Variants in SRGAP3 observed in about 807,000 individuals in gnomAD.
SRGAP3 encodes the protein SLIT-ROBO Rho GTPase-activating protein 3.
In SRGAP3, 39 loss-of-function variants were observed where a neutral mutation model predicts 121.1. The observed-to-expected ratio is 0.32, with a 90% CI of 0.25 to 0.42. SRGAP3 has a LOEUF of 0.42. SRGAP3 is among the 10% of genes least tolerant of loss of function. The probability of loss-of-function intolerance (pLI) is 1.00; values close to 1 mark genes in which losing one functional copy is unlikely to be tolerated. For synonymous variants in SRGAP3, 601 were observed against 570.0 expected (o/e 1.05, Z -0.77); for missense variants, 1,213 against 1,470.6 (o/e 0.82, Z 2.86).
chr3:9,299,076 T>C (rs545753416), intron 3 of SRGAP3, among the ~76,000 whole-genome samples: 1 of 77,904 alleles, frequency 1.3e-5, no homozygotes, highest in East Asian at 4.3e-4. Flanking sequence ...AAAAAGAAAA[T>C]AGATGGCTGG....
chr3:9,053,905 C>T (rs1248576640), intron 8 of SRGAP3, among the ~76,000 whole-genome samples: 1 of 152,208 alleles, frequency 6.6e-6, no homozygotes, highest in Non-Finnish European at 1.5e-5. Context: ...ATTCTTTGCT[C>T]TGGAGGCTGG....
At chr3:9,087,169 A>G (rs1005062630) in intron 3 of SRGAP3, among the ~76,000 whole-genome samples, 8 of 152,152 alleles carry the variant, frequency 5.3e-5, no homozygotes, top group Non-Finnish European at 1.0e-4. Flanking sequence ...GAATGAAGTG[A>G]CAGTTCCTCT....
intron 1 of SRGAP3, among the ~76,000 whole-genome samples, chr3:9,208,290 C>T (rs1340533917): frequency 6.6e-6 from 1 of 152,136 alleles, no homozygotes; most frequent in African/African-American, 2.4e-5. Flanking sequence ...AGTGTCAAAA[C>T]ATCGCAGGCA....
chr3:9,162,644 G>A (rs1017480862), intron 1 of SRGAP3, among the ~76,000 whole-genome samples: 4 of 152,208 alleles, frequency 2.6e-5, no homozygotes, highest in Admixed American at 2.6e-4. Flanking sequence ...GGCAGGTGGG[G>A]GCACACACAG....
rs149996485 is a variant in SRGAP3 at position 9,104,271 on chromosome 3, ACT to A, written c.423+407_423+408del. ...CACTAGAAAATATACAAATCTAAGCACTCTCAGAAAATGCATTTGCGTTTGTA... is the reference window on the plus strand; with the variant it reads ...CACTAGAAAATATACAAATCTAAGCACTCAGAAAATGCATTTGCGTTTGTA... On this transcript the variant is annotated intron_variant, in intron 3 of 21. Coordinates refer to ENST00000383836, the MANE Select transcript of SRGAP3 (RefSeq NM_014850.4). Among the ~76,000 whole-genome samples the A allele has an allele frequency of 5.9e-3, 901 of 152,248 alleles. 4 individuals carry two copies. The highest frequency in any genetic ancestry group is 0.021 in the African/African-American group (853 of 41,544).
intron 3 of SRGAP3, among the ~76,000 whole-genome samples, chr3:9,304,045 CACAA>C (rs1204850367): frequency 1.3e-5 from 2 of 152,190 alleles, no homozygotes; most frequent in African/African-American, 4.8e-5. Context: ...GGAGACGTTT[CACAA>C]ACAATTCTGT....
intron 3 of SRGAP3, among the ~76,000 whole-genome samples, chr3:9,082,067 T>G (rs1376713698): frequency 1.3e-5 from 2 of 152,176 alleles, no homozygotes; most frequent in East Asian, 3.9e-4. Context: ...GATGTTTGCA[T>G]CATGGGGGTG....
At chr3:9,210,901 G>C (rs535353525) in intron 1 of SRGAP3, among the ~76,000 whole-genome samples, 3 of 152,042 alleles carry the variant, frequency 2.0e-5, no homozygotes, top group Non-Finnish European at 4.4e-5. Context: ...TTTTAAAGAA[G>C]CAAAATAGTA....
intron 18 of SRGAP3, among the ~76,000 whole-genome samples, chr3:9,005,403 G>C (rs1943014982): frequency 6.6e-6 from 1 of 152,194 alleles, no homozygotes; most frequent in Non-Finnish European, 1.5e-5. Flanking sequence ...GTTAGCATAT[G>C]ACCCAGCAAT....
At chr3:9,023,499 T>G (rs1419355480) in intron 14 of SRGAP3, among the ~76,000 whole-genome samples, 1 of 152,180 alleles carries the variant, frequency 6.6e-6, no homozygotes, top group East Asian at 1.9e-4. Flanking sequence ...AGCCTCAGCT[T>G]AGGCATTTTT....
At chr3:9,304,387 C>A (rs1955122045) in intron 3 of SRGAP3, among the ~76,000 whole-genome samples, 1 of 152,192 alleles carries the variant, frequency 6.6e-6, no homozygotes. Flanking sequence ...TGCCATAATT[C>A]TCAAACCCAG....
intron 4 of SRGAP3, among the ~76,000 whole-genome samples, chr3:9,073,993 T>A (rs1448335655): frequency 1.3e-5 from 2 of 152,172 alleles, no homozygotes; most frequent in Non-Finnish European, 2.9e-5. Context: ...TCTTTTATTG[T>A]TTAATTACTG....
chr3:9,345,785 C>CAAAAAA (rs34225108), intron 1 of SRGAP3, among the ~76,000 whole-genome samples: 226 of 63,914 alleles, frequency 3.5e-3, no homozygotes, highest in Middle Eastern at 9.1e-3. Context: ...GACTCCAACT[C>CAAAAAA]AAAAAAAAAA....
intron 3 of SRGAP3, among the ~76,000 whole-genome samples, chr3:9,265,989 T>C (rs1195304198): frequency 2.0e-5 from 3 of 152,140 alleles, no homozygotes. Context: ...TCATCAATGA[T>C]AGACTGGATA....
intron 3 of SRGAP3, among the ~76,000 whole-genome samples, chr3:9,306,479 A>T (rs1955163894): frequency 6.6e-6 from 1 of 152,186 alleles, no homozygotes; most frequent in Non-Finnish European, 1.5e-5. Flanking sequence ...TAGTCATTGA[A>T]GTCCTTGCCC....
At chr3:9,135,035 A>G (rs1489372099) in intron 1 of SRGAP3, among the ~76,000 whole-genome samples, 1 of 152,054 alleles carries the variant, frequency 6.6e-6, no homozygotes, top group East Asian at 1.9e-4. Flanking sequence ...TGCTTTCCAT[A>G]TATTGGTACC....
At chr3:9,210,129 G>A (rs184194572) in intron 1 of SRGAP3, among the ~76,000 whole-genome samples, 1 of 152,162 alleles carries the variant, frequency 6.6e-6, no homozygotes, top group Non-Finnish European at 1.5e-5. Flanking sequence ...AAAATAGACT[G>A]TGGTTGCCTA....
At chr3:9,223,989 A>T (rs1004611964) in intron 1 of SRGAP3, among the ~76,000 whole-genome samples, 6 of 152,192 alleles carry the variant, frequency 3.9e-5, no homozygotes, top group Non-Finnish European at 5.9e-5. Context: ...CTCCAGATAG[A>T]TCATTTCCTT....
chr3:9,303,437 A>G (rs909834601), intron 3 of SRGAP3, among the ~76,000 whole-genome samples: 1 of 152,046 alleles, frequency 6.6e-6, no homozygotes, highest in African/African-American at 2.4e-5. Flanking sequence ...AAAAAAAAAA[A>G]AAAGAACACT....
Sources: gnomAD v4.1 joint callset for allele counts (sites outside exome capture counted in the v4.1 genomes callset) on GRCh38, gnomAD v4.1.1 for gene constraint, MANE v1.5 for transcripts, NCBI Gene and HGNC (gene_info 2026-07-23, HGNC 2026-07-21) for gene names.